PIKFYVE: variants seen among roughly 807,000 people sequenced by gnomAD.
The protein encoded by PIKFYVE is phosphoinositide kinase, FYVE-type zinc finger containing, also known as 1-phosphatidylinositol 3-phosphate 5-kinase.
In PIKFYVE, 122 loss-of-function variants were observed where a neutral mutation model predicts 257.9. The ratio of observed to expected loss-of-function variants is 0.47; its 90% CI spans 0.41 to 0.55. PIKFYVE has a LOEUF of 0.55. Among genes scored for constraint, PIKFYVE ranks in the 20% least tolerant of loss-of-function variants. PIKFYVE has a pLI of 0.00. For missense variants in PIKFYVE, 2,160 were observed against 2,536.6 expected (o/e 0.85, Z 3.19); for synonymous variants, 892 against 868.9 (o/e 1.03, Z -0.47).
intron 8 of PIKFYVE, 64 bp from the exon 9 acceptor site, chr2:208,300,873 A>C: frequency 6.3e-7 from 1 of 1,598,900 alleles, no homozygotes. Flanking sequence ...ATCACAGGAA[A>C]ACATCTGAAA....
In PIKFYVE at chr2:208,313,563, T is replaced by A. The variant is rs79069343; in HGVS notation, c.1697-731T>A. On this transcript the variant is annotated intron_variant, in intron 13 of 41. Coordinates refer to ENST00000264380, the MANE Select transcript of PIKFYVE (RefSeq NM_015040.4). ...TGCCAGCATTCAGATTTCTGTTGAA[T>A]GCAGTTTTCAGTTTGTGATTTTTTT... Among the ~76,000 whole-genome samples the A allele has an allele frequency of 4.5e-3, 679 of 152,012 alleles. 6 individuals carry two copies. Among genetic ancestry groups the A allele is most frequent in the African/African-American group, 0.015 (637 of 41,444 alleles).
Position 208,352,522 on chromosome 2 carries a change from GT to G in PIKFYVE, c.5716-125del, listed in dbSNP as rs1023329522. On this transcript the variant is annotated intron_variant, in intron 38 of 41. Coordinates refer to ENST00000264380, the MANE Select transcript of PIKFYVE (RefSeq NM_015040.4). ...TCACTTCTGAGATTCAAGAGTTTGA[GT>G]TTTTTTCAAAGTCCTTTGGTCATAT... The G allele has an allele frequency of 1.5e-5, 15 of 1,024,478 alleles. 1 individual carries two copies. Among genetic ancestry groups the G allele is most frequent in the Non-Finnish European group, 1.9e-5 (14 of 721,520 alleles). The allele number at this position is 1,024,478 out of a possible 1,614,324, so 63.5% of individuals were successfully genotyped here.
At chr2:208,278,791 C>T (rs975982181) in intron 5 of PIKFYVE, among the ~76,000 whole-genome samples, 1 of 152,096 alleles carries the variant, frequency 6.6e-6, no homozygotes, top group African/African-American at 2.4e-5. Context: ...ACCACATTTT[C>T]TTTATCCATT....
At chr2:208,277,374 G>A (rs538620946) in intron 4 of PIKFYVE, among the ~76,000 whole-genome samples, 163 bp from the exon 5 acceptor site, 2 of 152,124 alleles carry the variant, frequency 1.3e-5, no homozygotes, top group African/African-American at 4.8e-5. Flanking sequence ...CCTTCAATTT[G>A]TTCTTCTTCA....
Position 208,304,982 on chromosome 2 carries a change from A to T in PIKFYVE, c.1605A>T (p.Pro535=). ...ATATCAAGAAGCCCTCCAAGTACCCACATGTGCCCCCTCACCCTGCTGACC... is the reference window on the plus strand; with the variant it reads ...ATATCAAGAAGCCCTCCAAGTACCCTCATGTGCCCCCTCACCCTGCTGACC... ...NFHIKKPSKY[P]HVPPHPADQK... The change falls in exon 12 of 42, where the codon CCA becomes CCT. Residue 535 remains proline (P), a synonymous_variant. Coordinates refer to ENST00000264380, the MANE Select transcript of PIKFYVE (RefSeq NM_015040.4). The T allele has an allele frequency of 1.2e-6, 2 of 1,614,112 alleles. No individual in the cohort carries two copies. Among genetic ancestry groups the T allele is most frequent in the Non-Finnish European group, 1.7e-6 (2 of 1,179,992 alleles).
chr2:208,332,374 G>A (rs1401731908), intron 23 of PIKFYVE, among the ~76,000 whole-genome samples: 3 of 152,104 alleles, frequency 2.0e-5, no homozygotes, highest in Admixed American at 2.0e-4. Context: ...TGTATACACT[G>A]GTGCACTTGT....
chr2:208,355,383 T>A lies in PIKFYVE; in HGVS notation c.*78T>A. On this transcript the variant is annotated 3_prime_UTR_variant, in exon 42 of 42. Transcript: ENST00000264380. ...AGGACCAAAAATAAGCTACATGTTT[T>A]ATTTCTTCATCGTGTTCACCACTGT... 1 of 1,147,620 alleles carries A rather than the reference T, an allele frequency of 8.7e-7. No homozygotes were observed. The highest frequency in any genetic ancestry group is 1.3e-6 in the Non-Finnish European group (1 of 771,436). 71.1% of individuals were successfully genotyped at this position (1,147,620 alleles called of 1,614,324 possible). A position where few individuals can be genotyped will look rare whatever the true frequency, so the allele number is the denominator to read the frequency against.
chr2:208,287,233 G>T (rs1314884186), intron 6 of PIKFYVE, among the ~76,000 whole-genome samples: 2 of 151,924 alleles, frequency 1.3e-5, no homozygotes, highest in Non-Finnish European at 2.9e-5. Flanking sequence ...CTGGGTAGGG[G>T]AATTTCACAG....
intron 12 of PIKFYVE, among the ~76,000 whole-genome samples, chr2:208,307,796 CTT>C (rs1440747577): frequency 1.3e-5 from 2 of 152,048 alleles, no homozygotes; most frequent in African/African-American, 4.8e-5. Flanking sequence ...TAGATACTAT[CTT>C]TGTTGATGTT....
At chr2:208,312,854 C>T (rs1425866523) in intron 13 of PIKFYVE, among the ~76,000 whole-genome samples, 1 of 152,176 alleles carries the variant, frequency 6.6e-6, no homozygotes, top group African/African-American at 2.4e-5. Flanking sequence ...TAGTACTCCA[C>T]TGGTTAGGCC....
intron 2 of PIKFYVE, among the ~76,000 whole-genome samples, chr2:208,272,050 C>T (rs1260113659): frequency 5.3e-5 from 8 of 151,924 alleles, no homozygotes; most frequent in Non-Finnish European, 2.9e-5. Context: ...CTGGCTAACA[C>T]GGTGAAATCC....
At chr2:208,327,891 T>C (rs1474680686) in intron 20 of PIKFYVE, among the ~76,000 whole-genome samples, 1 of 152,176 alleles carries the variant, frequency 6.6e-6, no homozygotes, top group Non-Finnish European at 1.5e-5. Context: ...ATTTAATTAA[T>C]TTTTTTCCAA....
chr2:208,275,637 A>G (rs1247791835), intron 3 of PIKFYVE, among the ~76,000 whole-genome samples: 1 of 152,242 alleles, frequency 6.6e-6, no homozygotes, highest in Non-Finnish European at 1.5e-5. Context: ...TGATTACATT[A>G]TCTTGGGAAA....
intron 5 of PIKFYVE, among the ~76,000 whole-genome samples, chr2:208,285,296 A>G (rs1175931748): frequency 1.3e-5 from 2 of 152,092 alleles, no homozygotes; most frequent in Non-Finnish European, 2.9e-5. Flanking sequence ...GGGTTTCACC[A>G]TGTTGGCCAG....
rs529376237 is a variant in PIKFYVE at position 208,290,510 on chromosome 2, A to G, written c.911+1692A>G. Among the ~76,000 whole-genome samples the G allele has an allele frequency of 3.3e-4, 50 of 152,278 alleles. 2 individuals are homozygous for G. In the South Asian group the frequency reaches 9.5e-3, roughly 29 times the overall value. On this transcript the variant is annotated intron_variant, in intron 7 of 41. Coordinates refer to ENST00000264380, the MANE Select transcript of PIKFYVE (RefSeq NM_015040.4). ...TGGCTGGATACACTATAGTTTATCTACTCACCTACTGAAGGACATCTTGAT... is the reference window on the plus strand; with the variant it reads ...TGGCTGGATACACTATAGTTTATCTGCTCACCTACTGAAGGACATCTTGAT...
rs1296683731 is a variant in PIKFYVE, at chr2:208,355,247, T to C, written c.6239T>C (p.Met2080Thr). Reference protein sequence around the residue: ...ELYRTRFCEAMDKYFLMVPDH... With the variant: ...ELYRTRFCEATDKYFLMVPDH... ...TACAGGACTAGGTTTTGTGAGGCAATGGACAAGTATTTCCTAATGGTACCA... is the reference window on the plus strand; with the variant it reads ...TACAGGACTAGGTTTTGTGAGGCAACGGACAAGTATTTCCTAATGGTACCA... Residue 2080 changes from methionine (M) to threonine (T), a missense_variant, in exon 42 of 42, where the codon ATG (methionine) becomes ACG (threonine). Physicochemically the swap from Met to Thr is moderately conservative, Grantham distance 81 (BLOSUM62 -1). Around this residue, in one of 12 missense-constraint regions of PIKFYVE, gnomAD observed 38 missense variants for 77.7 expected, o/e 0.49. Transcript: ENST00000264380. 6.2e-7 allele frequency: 1 copy of C among 1,613,954 alleles called. No homozygotes were observed. Among genetic ancestry groups the C allele is most frequent in the East Asian group, 2.2e-5 (1 of 44,902 alleles).
intron 29 of PIKFYVE, 104 bp from the exon 30 acceptor site, chr2:208,339,314 C>A: frequency 7.3e-7 from 1 of 1,366,004 alleles, no homozygotes; most frequent in Non-Finnish European, 1.0e-6. Flanking sequence ...AGTAAAAATT[C>A]TACCTTTTAG....
chr2:208,352,350 GT>G lies in PIKFYVE; in HGVS notation c.5716-294del, dbSNP rs10717573. ...TCATGAAAGAGTTACATAGTTTTGG[GT>G]TTTTTTTTTGAAGTTATCATGGTTT... is the stretch of plus-strand genomic sequence containing the variant. On this transcript the variant is annotated intron_variant, in intron 38 of 41. Transcript: ENST00000264380. 8.4e-3 allele frequency among the ~76,000 whole-genome samples: 1,245 copies of G among 148,778 alleles called. 15 individuals carry two copies. Among genetic ancestry groups the G allele is most frequent in the African/African-American group, 0.029 (1,167 of 40,576 alleles).
chr2:208,353,044 C>A (rs953894498), intron 39 of PIKFYVE, among the ~76,000 whole-genome samples: 6 of 152,098 alleles, frequency 3.9e-5, no homozygotes, highest in Non-Finnish European at 8.8e-5. Context: ...ATCTACTTCC[C>A]GCATCTTTTT....
Sources: gnomAD v4.1 joint callset for allele counts (sites outside exome capture counted in the v4.1 genomes callset) on GRCh38, gnomAD v4.1.1 for gene constraint, gnomAD v4.1.1 regional missense constraint, MANE v1.5 for transcripts, NCBI Gene and HGNC (gene_info 2026-07-23, HGNC 2026-07-21) for gene names.